The following TNXB variants were observed in gnomAD, a reference collection of about 807,000 sequenced individuals.
TNXB encodes the protein tenascin-X.
In TNXB, 183 loss-of-function variants were observed where a neutral mutation model predicts 340.5. That is an observed-to-expected ratio of 0.54 (90% confidence interval 0.48 to 0.61). The LOEUF is 0.61. Ranked by LOEUF, TNXB falls within the 20% of genes least tolerant of loss-of-function variation. The pLI is 0.00. For missense variants in TNXB, 4,613 were observed against 5,446.4 expected, an observed-to-expected ratio of 0.85 and a Z score of 4.82; for synonymous variants, 2,121 against 2,314.5, an observed-to-expected ratio of 0.92 and a Z score of 2.40.
chr6:32,101,077 C>CAA (rs35800696), intron 1 of TNXB, among the ~76,000 whole-genome samples: 10,215 of 46,090 alleles, frequency 0.22, 1,713 homozygotes, highest in Middle Eastern at 0.32. Context: ...AACTCCATCT[C>CAA]AAAAAAAAAA....
In TNXB at chr6:32,089,531, G is replaced by T. The variant is rs535737709; in HGVS notation, c.2359-152C>A. ...ACAAGCTGGGGAGCAAACATGCTGA[G>T]AGCGCTAACTCCTTGTGAGCCACTG... On this transcript the variant is annotated intron_variant, in intron 4 of 43. Coordinates refer to ENST00000644971, the MANE Select transcript of TNXB (RefSeq NM_001365276.2). The surrounding 1 kb of genome is among the most constrained non-coding windows in gnomAD (Gnocchi z 6.2). 1.3e-5 allele frequency among the ~76,000 whole-genome samples: 2 copies of T among 152,338 alleles called. No individual in the cohort carries two copies. Among genetic ancestry groups the T allele is most frequent in the South Asian group, 4.1e-4 (2 of 4,822 alleles).
At chr6:32,041,536 T>G (rs1408866896) in intron 43 of TNXB, 86 bp from the exon 44 acceptor site, 1 of 1,102,068 alleles carries the variant, frequency 9.1e-7, no homozygotes, top group African/African-American at 1.7e-5. Flanking sequence ...CTCCCAGCAC[T>G]CAACCAACCT....
intron 24 of TNXB, among the ~76,000 whole-genome samples, chr6:32,054,797 C>G (rs562697306): frequency 1.1e-4 from 17 of 152,300 alleles, no homozygotes; most frequent in African/African-American, 3.8e-4. Flanking sequence ...CCCTGACACC[C>G]GTGAGCTGCC....
In TNXB at chr6:32,105,463, GAGGGC is replaced by G. The variant is rs138308355; in HGVS notation, c.-9+3713_-9+3717del. Among the ~76,000 whole-genome samples, 454 of 152,328 alleles carry G rather than the reference GAGGGC, an allele frequency of 3.0e-3. 18 individuals are homozygous for G. In the East Asian group the frequency reaches 0.07, roughly 24 times the overall value. On this transcript the variant is annotated intron_variant, in intron 1 of 43. Coordinates refer to ENST00000644971, the MANE Select transcript of TNXB (RefSeq NM_001365276.2). ...TTGCCCACTAGACTATAAAGTCCAT[GAGGGC>G]AGGCATGGCACCTATTTTTTTTTCT...
In TNXB at chr6:32,061,855, G is replaced by C; in HGVS notation, c.7169-135C>G. The C allele has an allele frequency of 1.6e-6, 2 of 1,262,018 alleles. No individual in the cohort carries two copies. The highest frequency in any genetic ancestry group is 2.1e-6 in the Non-Finnish European group (2 of 930,508). 78.2% of individuals were successfully genotyped at this position (1,262,018 alleles called of 1,614,324 possible). ...GCTATGACTAGGGGACCTGAGGTCA[G>C]TTCAGAGAGGCCCATTCTTGGGGTC... On this transcript the variant is annotated intron_variant, in intron 20 of 43. Coordinates refer to ENST00000644971, the MANE Select transcript of TNXB (RefSeq NM_001365276.2). This position sits in a 1 kb window ranked among gnomAD's most constrained non-coding sequence, Gnocchi z 4.4.
intron 11 of TNXB, chr6:32,078,730 T>G: frequency 7.7e-6 from 3 of 389,738 alleles, no homozygotes; most frequent in Admixed American, 4.5e-5. Flanking sequence ...ACTGGCAGCA[T>G]ATTTACTTTT....
chr6:32,047,838 TC>T lies in TNXB; in HGVS notation c.10219del (p.Glu3407ArgfsTer49). ...GGGCTCCAGGCCCTGGACTGTGACC[TC>T]CCGCTGGTTGGCTGCCACCGGCACC... Reference protein sequence around the residue: ...QVVPVAANQREVTVQGLEPSR... With the variant: ...QVVPVAANQRXVTVQGLEPSR... On this transcript the variant is annotated frameshift_variant, in exon 30 of 44. Transcript: ENST00000644971. LOFTEE classifies it high-confidence loss of function. This position sits in a 1 kb window ranked among gnomAD's most constrained non-coding sequence, Gnocchi z 6.2. 1 of 1,611,984 alleles carries T rather than the reference TC, an allele frequency of 6.2e-7. No individual in the cohort carries two copies. The highest frequency in any genetic ancestry group is 8.5e-7 in the Non-Finnish European group (1 of 1,179,452).
Position 32,070,246 on chromosome 6 carries a change from T to C in TNXB, c.5159A>G (p.Glu1720Gly). The C allele has an allele frequency of 6.2e-7, 1 of 1,612,812 alleles. No individual in the cohort carries two copies. The highest frequency in any genetic ancestry group is 8.5e-7 in the Non-Finnish European group (1 of 1,179,500). The part of the protein sequence containing the change: ...DKDGPQVVPV[E>G]GHERSVTVTP... The stretch of plus-strand genomic sequence containing the variant: ...GACAGTGACAGAGCGCTCATGGCCC[T>C]CCACGGGCACCACCTGGGGCCCGTC... Residue 1720 changes from glutamate to glycine, a missense_variant, in exon 14 of 44, where the codon GAG becomes GGG. Glu to Gly is a moderately conservative substitution (Grantham distance 98, BLOSUM62 -2). Coordinates refer to ENST00000644971, the MANE Select transcript of TNXB (RefSeq NM_001365276.2). This position sits in a 1 kb window ranked among gnomAD's most constrained non-coding sequence, Gnocchi z 6.0.
Position 32,062,599 on chromosome 6 carries a change from C to A in TNXB, c.6842-116G>T. On this transcript the variant is annotated intron_variant, in intron 19 of 43. Transcript: ENST00000644971. This position sits in a 1 kb window ranked among gnomAD's most constrained non-coding sequence, Gnocchi z 4.3. ...ACAGTCTGGATGCTGGTGCCCCAAG[C>A]TTAGAATATCATTTTTCTGCTTTGA... 1.0e-6 allele frequency: 1 copy of A among 990,276 alleles called. No individual in the cohort carries two copies. 61.3% of individuals were successfully genotyped at this position (990,276 alleles called of 1,614,324 possible). A position where few individuals can be genotyped will look rare whatever the true frequency, so the allele number is the denominator to read the frequency against.
chr6:32,069,750 G>C lies in TNXB; in HGVS notation c.5390C>G (p.Thr1797Arg). The change falls in exon 15 of 44, where the codon ACA becomes AGA. Residue 1797 changes from threonine to arginine, a missense_variant. Thr to Arg is a moderately conservative substitution (Grantham distance 71). Around this residue, in one of 7 missense-constraint regions of TNXB, gnomAD observed 4,327 missense variants for 4,859.4 expected, o/e 0.89. Coordinates refer to ENST00000644971, the MANE Select transcript of TNXB (RefSeq NM_001365276.2). This position sits in a 1 kb window ranked among gnomAD's most constrained non-coding sequence, Gnocchi z 6.2. ...GGAGTCAAACTGGCCCTCAGGGACT[G>C]TCCAGGAGAGGCCCACGGAGTTCTG... is the stretch of plus-strand genomic sequence containing the variant. ...VTQNSVGLSWTVPEGQFDSFV... is the reference protein window; with the variant it reads ...VTQNSVGLSWRVPEGQFDSFV... 1 of 1,612,748 alleles carries C rather than the reference G, an allele frequency of 6.2e-7. No individual in the cohort carries two copies. Among genetic ancestry groups the C allele is most frequent in the Non-Finnish European group, 8.5e-7 (1 of 1,179,466 alleles).
In TNXB at chr6:32,081,420, G is replaced by T; in HGVS notation, c.3990C>A (p.Tyr1330Ter). The T allele has an allele frequency of 1.3e-6, 2 of 1,558,036 alleles. No homozygotes were observed. ...CCACACGCTGCCTGCCACGAAGCCC[G>T]TAGAGGTTCATCTTATACTTCCGGT... ...DPDRKYKMNL[Y>*]GLRGRQRVGP... The change falls in exon 10 of 44, where the codon TAC (tyrosine) becomes TAA (stop). Residue 1330 changes from tyrosine (Y) to a stop codon, truncating the protein, a stop_gained. Transcript: ENST00000644971. LOFTEE classifies it high-confidence loss of function. The surrounding 1 kb of genome is among the most constrained non-coding windows in gnomAD (Gnocchi z 5.1).
In TNXB at chr6:32,086,087, G is replaced by T. The variant is rs140665128; in HGVS notation, c.2811C>A (p.Thr937=). ...AGGGGCCTGAGGGAGGAGGCTCATC[G>T]GTAGTCCCCAAGAGGCCCAAGGGTG... is the stretch of plus-strand genomic sequence containing the variant. ...GSSPLGLLGT[T]DEPPPSGPST... The change falls in exon 7 of 44, where the codon ACC becomes ACA. Residue 937 remains threonine, a synonymous_variant. Coordinates refer to ENST00000644971, the MANE Select transcript of TNXB (RefSeq NM_001365276.2). The T allele has an allele frequency of 1.4e-3, 2,197 of 1,563,900 alleles. 1 individual carries two copies. The highest frequency in any genetic ancestry group is 2.9e-3 in the African/African-American group (216 of 74,078).
rs1376714004 is a variant in TNXB, at chr6:32,097,906, G to A, written c.293C>T (p.Ser98Leu). The A allele has an allele frequency of 2.5e-6, 4 of 1,586,736 alleles. No individual in the cohort carries two copies. Among genetic ancestry groups the A allele is most frequent in the Non-Finnish European group, 3.4e-6 (4 of 1,161,592 alleles). The change falls in exon 2 of 44, where the codon TCA (serine) becomes TTA (leucine). Residue 98 changes from serine to leucine, a missense_variant. Around this residue, in one of 7 missense-constraint regions of TNXB, gnomAD observed 4,327 missense variants for 4,859.4 expected, o/e 0.89. Transcript: ENST00000644971. The surrounding 1 kb of genome is among the most constrained non-coding windows in gnomAD (Gnocchi z 5.9). ...ACGGACCCTCAGGGCCTGTACCTCTGAAGCAAGGACTGGGGGCTCGGTGCC... is the reference window on the plus strand; with the variant it reads ...ACGGACCCTCAGGGCCTGTACCTCTAAAGCAAGGACTGGGGGCTCGGTGCC... ...PPGTEPPVLA[S>L]EVQALRVRLE...
chr6:32,080,127 GAGTC>G lies in TNXB; in HGVS notation c.4043-766_4043-763del, dbSNP rs1424702823. On this transcript the variant is annotated intron_variant, in intron 10 of 43. Coordinates refer to ENST00000644971, the MANE Select transcript of TNXB (RefSeq NM_001365276.2). This position sits in a 1 kb window ranked among gnomAD's most constrained non-coding sequence, Gnocchi z 4.3. ...CAAAAAAGATTACTGGGAAGTGAGA[GAGTC>G]AGGGAGAAATTGCAGCTCACTCTGA... 6.6e-6 allele frequency among the ~76,000 whole-genome samples: 1 copy of G among 152,220 alleles called. No individual in the cohort carries two copies. Among genetic ancestry groups the G allele is most frequent in the Non-Finnish European group, 1.5e-5 (1 of 68,046 alleles).
intron 34 of TNXB, 53 bp from the exon 35 acceptor site, chr6:32,043,945 G>T: frequency 3.7e-6 from 6 of 1,611,440 alleles, no homozygotes; most frequent in Non-Finnish European, 5.1e-6. Context: ...GCAGCTGGAG[G>T]GTGGGCAGAG....
chr6:32,041,802 T>G lies in TNXB; in HGVS notation c.12602A>C (p.Asn4201Thr). 1.0e-6 allele frequency: 1 copy of G among 984,532 alleles called. No homozygotes were observed. Among genetic ancestry groups the G allele is most frequent in the East Asian group, 2.6e-5 (1 of 38,382 alleles). 61.0% of individuals were successfully genotyped at this position (984,532 alleles called of 1,614,324 possible). The change falls in exon 43 of 44, where the codon AAC (asparagine) becomes ACC (threonine). Residue 4201 changes from asparagine (N) to threonine (T), a missense_variant. By Grantham distance (65) the Asn-to-Thr change is moderately conservative. Coordinates refer to ENST00000644971, the MANE Select transcript of TNXB (RefSeq NM_001365276.2). ...WYRNCHYANL[N>T]GLYGSTVDHQ... Reference sequence around the variant, plus strand: ...GTCCACTGTGCTCCCGTAGAGCCCGTTGAGGTTGGCGTAGTGGCAGTTCCT... The same window carrying G: ...GTCCACTGTGCTCCCGTAGAGCCCGGTGAGGTTGGCGTAGTGGCAGTTCCT...
chr6:32,096,351 C>A lies in TNXB; in HGVS notation c.1502G>T (p.Cys501Phe). The change falls in exon 3 of 44, where the codon TGT becomes TTT. Residue 501 changes from cysteine to phenylalanine, a missense_variant. By Grantham distance (205) the Cys-to-Phe change is radical. Around this residue, in one of 7 missense-constraint regions of TNXB, gnomAD observed 4,327 missense variants for 4,859.4 expected, o/e 0.89. Coordinates refer to ENST00000644971, the MANE Select transcript of TNXB (RefSeq NM_001365276.2). ...ATCCACGCAGCGCCCGCGCCCGCGA[C>A]AGTCGCCAGGACAGGCGCGCGTGCC... ...DCGTRACPGD[C>F]RGRGRCVDGR... 1.3e-6 allele frequency: 2 copies of A among 1,553,212 alleles called. No individual in the cohort carries two copies. The highest frequency in any genetic ancestry group is 1.7e-6 in the Non-Finnish European group (2 of 1,155,858).
In TNXB at chr6:32,042,058, A is replaced by G; in HGVS notation, c.12423T>C (p.Ala4141=). ...AQYDSFHVDS[A]AEYYRLHLEG... is the part of the protein sequence containing the mutation. ...CCAAGTGGAGGCGGTAGTACTCCGC[A>G]GCCGAGTCTACGTGGAAGGAGTCGT... Residue 4141 remains alanine (A), a synonymous_variant, in exon 42 of 44, where the codon GCT becomes GCC. Transcript: ENST00000644971. 1.8e-6 allele frequency: 1 copy of G among 543,888 alleles called. No homozygotes were observed. The highest frequency in any genetic ancestry group is 3.2e-6 in the Non-Finnish European group (1 of 314,466). 33.7% of individuals were successfully genotyped at this position (543,888 alleles called of 1,614,324 possible).
chr6:32,049,946 A>C lies in TNXB; in HGVS notation c.9439+52T>G. 6.2e-7 allele frequency: 1 copy of C among 1,609,686 alleles called. No individual in the cohort carries two copies. Among genetic ancestry groups the C allele is most frequent in the Middle Eastern group, 1.7e-4 (1 of 6,044 alleles). On this transcript the variant is annotated intron_variant, in intron 27 of 43. Transcript: ENST00000644971. The surrounding 1 kb of genome is among the most constrained non-coding windows in gnomAD (Gnocchi z 4.5). ...TCCCCACCAGTCATCACCAAAGAGC[A>C]AGAGGTGGCCCTCCCACAGCTCCCA...
Sources: allele counts gnomAD v4.1 joint callset (sites outside exome capture counted in the v4.1 genomes callset), GRCh38; gene constraint gnomAD v4.1.1; regional missense constraint gnomAD v4.1.1; non-coding constraint Gnocchi (gnomAD v3.1); transcripts MANE v1.5; gene names NCBI Gene and HGNC (gene_info 2026-07-23, HGNC 2026-07-21).